The following SNTG1 variants were observed in gnomAD, a reference collection of about 807,000 sequenced individuals.
The protein encoded by SNTG1 is gamma-1-syntrophin.
In SNTG1, 39 loss-of-function variants were observed where a neutral mutation model predicts 74.7. The observed-to-expected ratio is 0.52, with a 90% CI of 0.40 to 0.68. The LOEUF is 0.68. SNTG1 is among the 30% of genes least tolerant of loss of function. The pLI is 0.00. For synonymous variants in SNTG1, 254 were observed against 217.1 expected, an observed-to-expected ratio of 1.17 and a Z score of -1.49; for missense variants, 685 against 609.5, an observed-to-expected ratio of 1.12 and a Z score of -1.30.
At chr8:50,072,481 C>A (rs1380467221) in intron 1 of SNTG1, among the ~76,000 whole-genome samples, 1 of 152,106 alleles carries the variant, frequency 6.6e-6, no homozygotes, top group Non-Finnish European at 1.5e-5. Flanking sequence ...TGAGCTCAGG[C>A]GTTTTAACCA....
At chr8:50,008,668 G>C (rs913514793) in intron 1 of SNTG1, among the ~76,000 whole-genome samples, 1 of 152,042 alleles carries the variant, frequency 6.6e-6, no homozygotes, top group Non-Finnish European at 1.5e-5. Flanking sequence ...ACCTGATAGT[G>C]GATAATACCA....
intron 2 of SNTG1, among the ~76,000 whole-genome samples, chr8:50,278,932 G>C (rs2088275626): frequency 6.6e-6 from 1 of 152,044 alleles, no homozygotes; most frequent in South Asian, 2.1e-4. Context: ...CATTATCGAA[G>C]TCCTTTGAGG....
intron 2 of SNTG1, among the ~76,000 whole-genome samples, chr8:50,380,008 A>G (rs931731990): frequency 6.6e-6 from 1 of 152,244 alleles, no homozygotes; most frequent in Admixed American, 6.5e-5. Context: ...TGAGGATGGC[A>G]GAGAAATTGG....
At chr8:50,692,085 G>C (rs1426613562) in intron 15 of SNTG1, among the ~76,000 whole-genome samples, 1 of 152,060 alleles carries the variant, frequency 6.6e-6, no homozygotes, top group Non-Finnish European at 1.5e-5. Context: ...CTCATGCCTT[G>C]GTTTTCAGCT....
chr8:49,943,164 A>G (rs1328484305), intron 1 of SNTG1, among the ~76,000 whole-genome samples: 1 of 152,208 alleles, frequency 6.6e-6, no homozygotes, highest in African/African-American at 2.4e-5. Flanking sequence ...TTCAAAAAGA[A>G]GTTGGGAGTG....
At chr8:50,488,994 T>A (rs1467129075) in intron 8 of SNTG1, among the ~76,000 whole-genome samples, 1 of 152,122 alleles carries the variant, frequency 6.6e-6, no homozygotes, top group East Asian at 1.9e-4. Flanking sequence ...GTTCTCATTG[T>A]TCAACTCTCA....
intron 2 of SNTG1, among the ~76,000 whole-genome samples, chr8:50,237,267 G>C (rs552076863): frequency 2.6e-5 from 4 of 152,048 alleles, no homozygotes; most frequent in Admixed American, 2.6e-4. Flanking sequence ...ACTCTCTACT[G>C]TCTATATATT....
chr8:50,089,270 G>T lies in SNTG1; in HGVS notation c.-102-83291G>T, dbSNP rs1586218977. On this transcript the variant is annotated intron_variant, in intron 1 of 18. Transcript: ENST00000642720. ...AAGAATTAATTCAAGATGGATTAAA[G>T]ATTTAAACGTTAGACCTAAAACCAT... Among the ~76,000 whole-genome samples, 5 of 152,228 alleles carry T rather than the reference G, an allele frequency of 3.3e-5. No homozygotes were observed. In the East Asian group the frequency reaches 9.6e-4, roughly 29 times the overall value.
At chr8:50,250,317 G>A (rs933028575) in intron 2 of SNTG1, among the ~76,000 whole-genome samples, 5 of 151,938 alleles carry the variant, frequency 3.3e-5, no homozygotes, top group Non-Finnish European at 5.9e-5. Context: ...GAAAGCCTAT[G>A]TGATATATGG....
intron 9 of SNTG1, among the ~76,000 whole-genome samples, chr8:50,509,929 C>G (rs538514571): frequency 2.0e-5 from 3 of 152,212 alleles, no homozygotes; most frequent in African/African-American, 7.2e-5. Flanking sequence ...GCCTGATTGT[C>G]CTGTGCAGAG....
intron 11 of SNTG1, among the ~76,000 whole-genome samples, chr8:50,545,018 G>A (rs2094376683): frequency 6.6e-6 from 1 of 151,974 alleles, no homozygotes; most frequent in African/African-American, 2.4e-5. Context: ...CTGATGGACA[G>A]TTAGGTTGAT....
intron 4 of SNTG1, among the ~76,000 whole-genome samples, chr8:50,435,766 T>C (rs1243566028): frequency 6.6e-6 from 1 of 152,182 alleles, no homozygotes; most frequent in Non-Finnish European, 1.5e-5. Flanking sequence ...CCCAGGTGTT[T>C]AATAAAACAT....
At chr8:50,433,279 G>A (rs7015139) in intron 4 of SNTG1, among the ~76,000 whole-genome samples, 130,427 of 152,094 alleles carry the variant, frequency 0.86, 56,013 homozygotes, top group Non-Finnish European at 0.89. Context: ...GATTTTATAC[G>A]TTGACAAAAA....
chr8:50,130,868 T>A lies in SNTG1; in HGVS notation c.-102-41693T>A, dbSNP rs186421059. On this transcript the variant is annotated intron_variant, in intron 1 of 18. Transcript: ENST00000642720. ...TCCACATTATTGGACAACAGTATCA[T>A]TTAGGATGGGAAATAATGGTTTCAA... is the stretch of plus-strand genomic sequence containing the variant. 3.3e-5 allele frequency among the ~76,000 whole-genome samples: 5 copies of A among 152,198 alleles called. No individual in the cohort carries two copies. In the East Asian group the frequency reaches 9.7e-4, roughly 29 times the overall value.
intron 2 of SNTG1, among the ~76,000 whole-genome samples, chr8:50,282,807 C>T (rs971644394): frequency 1.3e-5 from 2 of 152,058 alleles, no homozygotes; most frequent in African/African-American, 4.8e-5. Context: ...TAAAAGCTGT[C>T]TGACAATATC....
At chr8:50,050,064 A>T (rs149495026) in intron 1 of SNTG1, among the ~76,000 whole-genome samples, 7 of 152,078 alleles carry the variant, frequency 4.6e-5, no homozygotes, top group African/African-American at 1.7e-4. Context: ...ATAAGAGTAA[A>T]GAAAATCCCA....
rs1021568083 is a variant in SNTG1, at chr8:50,343,000, T to C, written c.-27-51212T>C. On this transcript the variant is annotated intron_variant, in intron 2 of 18. Coordinates refer to ENST00000642720, the MANE Select transcript of SNTG1 (RefSeq NM_018967.5). ...AAAATCCTCTTTTAAAGAAACCACC[T>C]GGGATTTTACTCCCAGGAAACAAAA... 7.2e-5 allele frequency among the ~76,000 whole-genome samples: 11 copies of C among 152,188 alleles called. No homozygotes were observed. The South Asian group carries it at 2.1e-3, about 29-fold the overall frequency.
chr8:50,762,072 C>T (rs2095600546), intron 18 of SNTG1, among the ~76,000 whole-genome samples: 1 of 151,924 alleles, frequency 6.6e-6, no homozygotes, highest in African/African-American at 2.4e-5. Context: ...GGCAAATTAA[C>T]ACAAAACACA....
At chr8:50,701,756 C>CTA (rs1563761853) in intron 15 of SNTG1, among the ~76,000 whole-genome samples, 1 of 123,740 alleles carries the variant, frequency 8.1e-6, no homozygotes, top group Non-Finnish European at 1.6e-5. Flanking sequence ...TCCTTCTTCT[C>CTA]CTTCTTCTTC....
Sources: gnomAD v4.1 joint callset for allele counts (sites outside exome capture counted in the v4.1 genomes callset) on GRCh38, gnomAD v4.1.1 for gene constraint, MANE v1.5 for transcripts, NCBI Gene and HGNC (gene_info 2026-07-23, HGNC 2026-07-21) for gene names.